FREM1: variants seen among roughly 807,000 people sequenced by gnomAD.
The protein encoded by FREM1 is FRAS1-related extracellular matrix protein 1.
FREM1 carries 220 observed loss-of-function variants against 210.1 expected under a neutral mutation model. The ratio of observed to expected loss-of-function variants is 1.05; its 90% CI spans 0.94 to 1.17. The LOEUF (loss-of-function observed/expected upper bound fraction) is 1.17, where lower values mean the gene tolerates loss of function less well. Ranked by LOEUF, FREM1 falls within the 50% of genes most tolerant of loss-of-function variation. The pLI is 0.00. For synonymous variants in FREM1, 1,189 were observed against 980.2 expected (o/e 1.21, Z -3.98); for missense variants, 3,454 against 2,675.5 (o/e 1.29, Z -6.42).
At chr9:14,767,495 G>C (rs1454089564) in intron 27 of FREM1, among the ~76,000 whole-genome samples, 2 of 152,148 alleles carry the variant, frequency 1.3e-5, no homozygotes, top group African/African-American at 4.8e-5. Flanking sequence ...TTTCTCATCT[G>C]TAAATTTCAG....
chr9:14,808,179 A>G (rs1349176877), intron 16 of FREM1, 45 bp from the exon 17 acceptor site: 2 of 1,292,130 alleles, frequency 1.5e-6, no homozygotes, highest in Admixed American at 2.3e-5. Flanking sequence ...TAAAAAATAT[A>G]GAATACCAAG....
Position 14,824,023 on chromosome 9 carries a change from A to T in FREM1, c.2169+2T>A, listed in dbSNP as rs1342167498. The T allele has an allele frequency of 1.3e-6, 2 of 1,573,082 alleles. No homozygotes were observed. Among genetic ancestry groups the T allele is most frequent in the Admixed American group, 3.5e-5 (2 of 56,564 alleles). On this transcript the variant is annotated splice_donor_variant, in intron 12 of 36. Transcript: ENST00000380880. LOFTEE classifies it high-confidence loss of function. ...TGTCAGCATTTTAGCATATCCTCAT[A>T]CCTGAGTGAATGACCTCAGCTCCAG... is the stretch of plus-strand genomic sequence containing the variant.
Position 14,869,227 on chromosome 9 carries a change from C to T in FREM1, c.-250G>A. The T allele has an allele frequency of 2.5e-6, 1 of 404,526 alleles. No homozygotes were observed. The highest frequency in any genetic ancestry group is 4.4e-6 in the Non-Finnish European group (1 of 225,624). The allele number at this position is 404,526 out of a possible 1,614,324, so 25.1% of individuals were successfully genotyped here. ...AACGCCGGCAAGATTAATGGGCTTC[C>T]CAAGTGCTTTTCTAATCCTGCAAAT... On this transcript the variant is annotated 5_prime_UTR_variant, in exon 2 of 37. Transcript: ENST00000380880.
At chr9:14,753,639 T>C (rs1843763101) in intron 29 of FREM1, among the ~76,000 whole-genome samples, 1 of 152,144 alleles carries the variant, frequency 6.6e-6, no homozygotes, top group African/African-American at 2.4e-5. Context: ...CACCCAATCA[T>C]GGAAGCTGCC....
At chr9:14,786,660 T>A (rs1445655587) in intron 23 of FREM1, among the ~76,000 whole-genome samples, 4 of 152,182 alleles carry the variant, frequency 2.6e-5, no homozygotes, top group African/African-American at 4.8e-5. Flanking sequence ...CAATAAAGAA[T>A]CCTCCATCCC....
At chr9:14,772,663 C>G (rs1847793243) in intron 25 of FREM1, among the ~76,000 whole-genome samples, 1 of 152,094 alleles carries the variant, frequency 6.6e-6, no homozygotes, top group Non-Finnish European at 1.5e-5. Context: ...CTTCTCCTCT[C>G]CTGAAGAGTA....
At chr9:14,757,654 G>A (rs372453245) in intron 28 of FREM1, among the ~76,000 whole-genome samples, 59 of 151,484 alleles carry the variant, frequency 3.9e-4, no homozygotes, top group African/African-American at 1.4e-3. Flanking sequence ...TTTTTTAGAT[G>A]TTTAAGATGG....
intron 21 of FREM1, 134 bp from the exon 22 acceptor site, chr9:14,793,018 AT>A (rs1851696273): frequency 1.7e-6 from 1 of 587,630 alleles, no homozygotes; most frequent in African/African-American, 1.9e-5. Flanking sequence ...AGCACTGAAG[AT>A]GACTAGTGAG....
chr9:14,879,622 C>T (rs1001471076), intron 1 of FREM1, among the ~76,000 whole-genome samples: 1 of 152,060 alleles, frequency 6.6e-6, no homozygotes, highest in African/African-American at 2.4e-5. Flanking sequence ...TATACTTATA[C>T]CATGGAATGG....
At chr9:14,820,308 A>C (rs1821053613) in intron 13 of FREM1, among the ~76,000 whole-genome samples, 1 of 152,168 alleles carries the variant, frequency 6.6e-6, no homozygotes, top group South Asian at 2.1e-4. Flanking sequence ...TGCTACGCAG[A>C]AGTGAAAGCA....
chr9:14,797,112 G>A (rs1312164771), intron 21 of FREM1, among the ~76,000 whole-genome samples: 1 of 152,222 alleles, frequency 6.6e-6, no homozygotes, highest in Non-Finnish European at 1.5e-5. Flanking sequence ...TGTAAGGACT[G>A]TCTGCAGTTA....
chr9:14,832,166 A>C (rs1306706474), intron 10 of FREM1, among the ~76,000 whole-genome samples: 3 of 152,214 alleles, frequency 2.0e-5, no homozygotes, highest in Non-Finnish European at 4.4e-5. Context: ...CAGGGAAAAC[A>C]GTTTCCCAAA....
At chr9:14,805,453 C>T (rs1038658665) in intron 18 of FREM1, among the ~76,000 whole-genome samples, 2 of 152,190 alleles carry the variant, frequency 1.3e-5, no homozygotes, top group Non-Finnish European at 2.9e-5. Context: ...TGTCGGAGAC[C>T]TTCCCTTGAT....
chr9:14,748,759 A>G, intron 30 of FREM1, 120 bp from the exon 31 acceptor site: 2 of 680,490 alleles, frequency 2.9e-6, no homozygotes, highest in South Asian at 4.4e-5. Context: ...TTCCCACCAG[A>G]TGTTGCCTTT....
chr9:14,840,268 T>A (rs1175574597), intron 10 of FREM1, among the ~76,000 whole-genome samples: 1 of 152,238 alleles, frequency 6.6e-6, no homozygotes, highest in Non-Finnish European at 1.5e-5. Context: ...ATATACAGGC[T>A]ATCTTCCAAG....
chr9:14,888,798 C>A (rs1042734705), intron 1 of FREM1, among the ~76,000 whole-genome samples: 1 of 152,092 alleles, frequency 6.6e-6, no homozygotes, highest in Admixed American at 6.6e-5. Flanking sequence ...TAGAAATCAT[C>A]GAGGCCATAT....
chr9:14,826,034 T>C (rs1211635989), intron 10 of FREM1, among the ~76,000 whole-genome samples: 1 of 152,116 alleles, frequency 6.6e-6, no homozygotes, highest in Non-Finnish European at 1.5e-5. Context: ...TGTGGAATTA[T>C]TTATAGAATA....
At chr9:14,884,236 A>T (rs66838707) in intron 1 of FREM1, among the ~76,000 whole-genome samples, 130 of 151,672 alleles carry the variant, frequency 8.6e-4, no homozygotes, top group South Asian at 1.7e-3. Context: ...CTCAAAAAAG[A>T]AAAAAGAAAA....
chr9:14,762,141 C>T (rs772423145), intron 27 of FREM1, among the ~76,000 whole-genome samples: 7 of 151,222 alleles, frequency 4.6e-5, no homozygotes, highest in Non-Finnish European at 7.4e-5. Context: ...ATCATAAATG[C>T]CAATAGAAAT....
Sources: gnomAD v4.1 joint callset for allele counts (sites outside exome capture counted in the v4.1 genomes callset) on GRCh38, gnomAD v4.1.1 for gene constraint, MANE v1.5 for transcripts, NCBI Gene and HGNC (gene_info 2026-07-23, HGNC 2026-07-21) for gene names.